Variants in DMD observed in about 807,000 individuals in gnomAD.
DMD encodes mutant dystrophin.
A neutral mutation model predicts 330.1 loss-of-function variants in DMD; 63 were observed. The ratio of observed to expected loss-of-function variants is 0.19; its 90% confidence interval spans 0.16 to 0.24. DMD has a LOEUF of 0.24. Ranked by LOEUF, DMD falls within the 10% of genes least tolerant of loss-of-function variation. The pLI is 1.00. For missense variants in DMD, 3,344 were observed against 2,684.1 expected (o/e 1.25, Z -5.43); for synonymous variants, 1,223 against 959.8 (o/e 1.27, Z -5.07).
At position 31,797,104 on chromosome X, in the gene DMD, A is replaced by T. The variant is rs975745049; in HGVS notation, c.7309+22871T>A. On this transcript the variant is annotated intron_variant, in intron 50 of 78. Coordinates refer to ENST00000357033, the MANE Select transcript of DMD (RefSeq NM_004006.3). ...ATACATGAACAAAGACAGATGGTAA[A>T]TTTTCCGTTATGTGCTGTTTGCCAC... Among the ~76,000 whole-genome samples, 3 of 111,440 alleles carry T rather than the reference A, an allele frequency of 2.7e-5. No individual in the cohort carries two copies. The Admixed American group carries it at 2.9e-4, about 11-fold the overall frequency.
intron 22 of DMD, among the ~76,000 whole-genome samples, chrX:32,471,808 C>A (rs1213994537): frequency 9.0e-6 from 1 of 111,660 alleles, no homozygotes; most frequent in African/African-American, 3.3e-5. Flanking sequence ...ATTTTACCCA[C>A]CAGTTTGAGA....
intron 44 of DMD, among the ~76,000 whole-genome samples, chrX:32,053,197 C>G (rs957121419): frequency 5.4e-5 from 6 of 111,583 alleles, no homozygotes; most frequent in African/African-American, 2.0e-4. Flanking sequence ...GTCAATGAAT[C>G]TAAGAAGCTC....
At chrX:31,804,315 A>C (rs73213879) in intron 50 of DMD, among the ~76,000 whole-genome samples, 6,821 of 111,247 alleles carry the variant, frequency 0.061, 196 homozygotes, top group South Asian at 0.12. Context: ...TTTTATGTCC[A>C]ATCAGTTACC....
intron 9 of DMD, among the ~76,000 whole-genome samples, chrX:32,657,231 T>A (rs1398525916): frequency 9.0e-6 from 1 of 111,540 alleles, no homozygotes; most frequent in East Asian, 2.8e-4. Context: ...ATAAGCACTG[T>A]TATGGCAAAT....
At chrX:32,124,759 A>T (rs2096653396) in intron 44 of DMD, among the ~76,000 whole-genome samples, 1 of 110,920 alleles carries the variant, frequency 9.0e-6, no homozygotes, top group Non-Finnish European at 1.9e-5. Context: ...GCACTAGGAC[A>T]GCATGCAGCA....
intron 7 of DMD, among the ~76,000 whole-genome samples, chrX:32,730,725 C>A (rs1226129229): frequency 8.9e-6 from 1 of 111,832 alleles, no homozygotes; most frequent in East Asian, 2.8e-4. Context: ...AATGAAGTTA[C>A]ATGATGAAAT....
rs201134649 is a variant in DMD at position 32,483,146 on chromosome X, C to CATATATATAT, written c.2803+1763_2803+1772dup. ...ATTTCATATGCTACATTTTTCATTC[C>CATATATATAT]ATATATATATATATATATACACCAT... On this transcript the variant is annotated intron_variant, in intron 21 of 78. Coordinates refer to ENST00000357033, the MANE Select transcript of DMD (RefSeq NM_004006.3). 8.1e-4 allele frequency among the ~76,000 whole-genome samples: 32 copies of CATATATATAT among 39,289 alleles called. 1 individual carries two copies. The highest frequency in any genetic ancestry group is 1.7e-3 in the African/African-American group (27 of 15,803). The allele number at this position is 39,289 out of a possible 115,157, so 34.1% of individuals were successfully genotyped here. A position where few individuals can be genotyped will look rare whatever the true frequency, so the allele number is the denominator to read the frequency against.
chrX:33,037,197 C>A (rs768869204), intron 1 of DMD, among the ~76,000 whole-genome samples: 2 of 111,446 alleles, frequency 1.8e-5, no homozygotes, highest in Non-Finnish European at 1.9e-5. Context: ...CTAATTAATA[C>A]TCAAGTAATA....
intron 44 of DMD, among the ~76,000 whole-genome samples, chrX:32,189,367 C>T (rs1278512131): frequency 1.3e-5 from 1 of 79,521 alleles, no homozygotes; most frequent in East Asian, 3.8e-4. Flanking sequence ...TGTCAGCAAA[C>T]TACAAAAAAA....
At chrX:31,896,947 G>A (rs1352292503) in intron 47 of DMD, among the ~76,000 whole-genome samples, 1 of 108,094 alleles carries the variant, frequency 9.3e-6, no homozygotes, top group African/African-American at 3.4e-5. Context: ...TGTACTTTAA[G>A]TTTTAGGGTA....
At chrX:31,707,730 A>G (rs1540705) in intron 52 of DMD, among the ~76,000 whole-genome samples, 48,417 of 110,523 alleles carry the variant, frequency 0.44, 8,567 homozygotes, top group African/African-American at 0.64. Flanking sequence ...AGAGGCCTTT[A>G]TCTAACTGTC....
At chrX:31,282,023 A>G (rs2052653118) in intron 62 of DMD, among the ~76,000 whole-genome samples, 1 of 111,915 alleles carries the variant, frequency 8.9e-6, no homozygotes, top group South Asian at 3.7e-4. Context: ...ATGGGTTAAG[A>G]AGGTTAGAGG....
intron 2 of DMD, among the ~76,000 whole-genome samples, chrX:32,952,904 A>T (rs1462439811): frequency 9.1e-6 from 1 of 110,085 alleles, no homozygotes; most frequent in Non-Finnish European, 1.9e-5. Context: ...GAAGGCCAAG[A>T]CGGGCAGATC....
At chrX:31,669,452 ATT>A (rs1054401334) in intron 53 of DMD, among the ~76,000 whole-genome samples, 6 of 111,372 alleles carry the variant, frequency 5.4e-5, no homozygotes, top group African/African-American at 2.0e-4. Flanking sequence ...TAATCAGATT[ATT>A]TGTTTTCTTT....
chrX:31,832,554 G>T (rs1275080385), intron 49 of DMD, among the ~76,000 whole-genome samples: 1 of 112,006 alleles, frequency 8.9e-6, no homozygotes, highest in Non-Finnish European at 1.9e-5. Flanking sequence ...TTGACCATTT[G>T]TCTACAGCAA....
In DMD at chrX:33,136,032, A is replaced by G. The variant is rs894444236; in HGVS notation, c.31+75250T>C. Among the ~76,000 whole-genome samples, 4 of 111,528 alleles carry G rather than the reference A, an allele frequency of 3.6e-5. No homozygotes were observed. The Admixed American group carries it at 3.8e-4, about 11-fold the overall frequency. On this transcript the variant is annotated intron_variant, in intron 1 of 78. Transcript: ENST00000357033. ...ATATTATTTTGTATTATAAAAAATCAGGCTGGGTTTGGTGGCTCATGCCTG... is the reference window on the plus strand; with the variant it reads ...ATATTATTTTGTATTATAAAAAATCGGGCTGGGTTTGGTGGCTCATGCCTG...
chrX:31,682,339 C>T (rs1009983659), intron 52 of DMD, among the ~76,000 whole-genome samples: 3 of 111,279 alleles, frequency 2.7e-5, no homozygotes, highest in Non-Finnish European at 3.8e-5. Context: ...TCTGTTTAAC[C>T]GTAAGTCTCT....
chrX:32,124,088 T>C (rs1233662492), intron 44 of DMD, among the ~76,000 whole-genome samples: 1 of 111,900 alleles, frequency 8.9e-6, no homozygotes, highest in African/African-American at 3.2e-5. Flanking sequence ...ACATGCCTGA[T>C]AGTATACTCA....
chrX:31,336,926 C>CT (rs66807082), intron 61 of DMD, among the ~76,000 whole-genome samples: 181 of 94,329 alleles, frequency 1.9e-3, no homozygotes, highest in African/African-American at 2.7e-3. Flanking sequence ...TTCTTTCTTT[C>CT]TTTTTTTTTT....
Sources: allele counts gnomAD v4.1 joint callset (sites outside exome capture counted in the v4.1 genomes callset), GRCh38; gene constraint gnomAD v4.1.1; transcripts MANE v1.5; gene names NCBI Gene and HGNC (gene_info 2026-07-23, HGNC 2026-07-21).